Variants in NET1 observed in about 807,000 individuals in gnomAD.
NET1 encodes the protein neuroepithelial cell-transforming gene 1 protein.
In NET1, 42 loss-of-function variants were observed where a neutral mutation model predicts 61.1. That is an observed-to-expected ratio of 0.69 (90% confidence interval 0.54 to 0.89). The LOEUF is 0.89. NET1 is among the 40% of genes least tolerant of loss of function. The pLI is 0.00. For synonymous variants in NET1, 254 were observed against 281.8 expected, an observed-to-expected ratio of 0.90 and a Z score of 0.99; for missense variants, 654 against 747.3, an observed-to-expected ratio of 0.88 and a Z score of 1.46.
chr10:5,426,795 A>G lies in NET1; in HGVS notation c.195+74A>G. 1 of 1,070,362 alleles carries G rather than the reference A, an allele frequency of 9.3e-7. No homozygotes were observed. The highest frequency in any genetic ancestry group is 1.4e-6 in the Non-Finnish European group (1 of 736,182). 66.3% of individuals were successfully genotyped at this position (1,070,362 alleles called of 1,614,324 possible). On this transcript the variant is annotated intron_variant, in intron 2 of 11. Coordinates refer to ENST00000355029, the MANE Select transcript of NET1 (RefSeq NM_001047160.3). This position sits in a 1 kb window ranked among gnomAD's most constrained non-coding sequence, Gnocchi z 4.6. ...TCCCTGGTTTCTTTCAGTCTGTTAC[A>G]CAGATCAGTGGTCCTTACTTCTGAG...
chr10:5,446,656 G>A lies in NET1; in HGVS notation c.256-5174G>A. 7.6e-7 allele frequency: 1 copy of A among 1,317,998 alleles called. No individual in the cohort carries two copies. 81.6% of individuals were successfully genotyped at this position (1,317,998 alleles called of 1,614,324 possible). The stretch of plus-strand genomic sequence containing the variant: ...CGAGAGGCATGGGCACGTGGCTGCC[G>A]AGGGTGGCCGAGCTCTGGGAAGAAA... On this transcript the variant is annotated intron_variant, in intron 3 of 11. Coordinates refer to ENST00000355029, the MANE Select transcript of NET1 (RefSeq NM_001047160.3). This position sits in a 1 kb window ranked among gnomAD's most constrained non-coding sequence, Gnocchi z 5.0.
At position 5,447,634 on chromosome 10, in the gene NET1, C is replaced by T. The variant is rs1465650085; in HGVS notation, c.256-4196C>T. Reference sequence around the variant, plus strand: ...ACACGTCAAAACTTATCTAATTGTGCATTTTAAATATGTAAAGCTTACTGA... The same window carrying T: ...ACACGTCAAAACTTATCTAATTGTGTATTTTAAATATGTAAAGCTTACTGA... On this transcript the variant is annotated intron_variant, in intron 3 of 11. Transcript: ENST00000355029. The surrounding 1 kb of genome is among the most constrained non-coding windows in gnomAD (Gnocchi z 4.1). Among the ~76,000 whole-genome samples the T allele has an allele frequency of 6.6e-6, 1 of 152,172 alleles. No individual in the cohort carries two copies. The highest frequency in any genetic ancestry group is 1.9e-4 in the East Asian group (1 of 5,202).
rs569873858 is a variant in NET1 at position 5,430,950 on chromosome 10, C to G, written c.255+1721C>G. Among the ~76,000 whole-genome samples the G allele has an allele frequency of 1.3e-4, 19 of 150,176 alleles. No individual in the cohort carries two copies. In the South Asian group the frequency reaches 4.0e-3, roughly 32 times the overall value. ...GCAGTGGCGCGATCTCTGCTCACTG[C>G]AAGCTCCGCCTCCCGGGTTCACACC... On this transcript the variant is annotated intron_variant, in intron 3 of 11. Transcript: ENST00000355029.
chr10:5,434,021 T>A (rs1422602995), intron 3 of NET1, among the ~76,000 whole-genome samples: 2 of 152,186 alleles, frequency 1.3e-5, no homozygotes, highest in East Asian at 1.9e-4. Flanking sequence ...CTTCTGTAAT[T>A]TTCTTAATTT....
At chr10:5,442,640 A>G (rs1021745387) in intron 3 of NET1, among the ~76,000 whole-genome samples, 1 of 152,220 alleles carries the variant, frequency 6.6e-6, no homozygotes, top group Non-Finnish European at 1.5e-5. Context: ...CATACCTGTA[A>G]TTCCAGCACT....
At position 5,415,065 on chromosome 10, in the gene NET1, C is replaced by A. The variant is rs915126624; in HGVS notation, c.128+2245C>A. On this transcript the variant is annotated intron_variant, in intron 1 of 11. Transcript: ENST00000355029. This position sits in a 1 kb window ranked among gnomAD's most constrained non-coding sequence, Gnocchi z 4.7. ...AGATGTAAGATCATCTACAAGAATA[C>A]GTAAAATATTACAAGATAGTATTAA... is the stretch of plus-strand genomic sequence containing the variant. 1.3e-5 allele frequency among the ~76,000 whole-genome samples: 2 copies of A among 152,036 alleles called. No individual in the cohort carries two copies. The highest frequency in any genetic ancestry group is 4.8e-5 in the African/African-American group (2 of 41,390).
At position 5,427,179 on chromosome 10, in the gene NET1, A is replaced by G. The variant is rs1333543135; in HGVS notation, c.195+458A>G. 6.6e-6 allele frequency among the ~76,000 whole-genome samples: 1 copy of G among 152,086 alleles called. No homozygotes were observed. The highest frequency in any genetic ancestry group is 1.5e-5 in the Non-Finnish European group (1 of 68,004). On this transcript the variant is annotated intron_variant, in intron 2 of 11. Coordinates refer to ENST00000355029, the MANE Select transcript of NET1 (RefSeq NM_001047160.3). The surrounding 1 kb of genome is among the most constrained non-coding windows in gnomAD (Gnocchi z 4.1). ...GGGACTCTATTATTTTTATAGCAGG[A>G]CTTTACAGAGGCATTTAATTTTGTG...
At chr10:5,414,169 G>A (rs1832043898) in intron 1 of NET1, among the ~76,000 whole-genome samples, 1 of 152,158 alleles carries the variant, frequency 6.6e-6, no homozygotes, top group Admixed American at 6.5e-5. Context: ...TTGTATAGAG[G>A]AGAGGAAACC....
rs1832814198 is a variant in NET1 at position 5,456,989 on chromosome 10, G to A, written c.1786G>A (p.Val596Met). The change falls in exon 12 of 12, where the codon GTG becomes ATG. Residue 596 changes from valine to methionine, a missense_variant. By Grantham distance (21) the Val-to-Met change is conservative (BLOSUM62 1). Transcript: ENST00000355029. The surrounding 1 kb of genome is among the most constrained non-coding windows in gnomAD (Gnocchi z 7.0). The stretch of plus-strand genomic sequence containing the variant: ...TGGTGGCAAACGGAAAGAGACTTTG[G>A]TGTAGAGAAGGCTCTGTGTGTTAAC... The part of the protein sequence containing the change: ...LSGGKRKETL[V>M] The A allele has an allele frequency of 1.9e-6, 3 of 1,551,560 alleles. No individual in the cohort carries two copies. The highest frequency in any genetic ancestry group is 2.0e-5 in the Admixed American group (1 of 50,616).
chr10:5,415,057 C>T lies in NET1; in HGVS notation c.128+2237C>T, dbSNP rs553321795. Among the ~76,000 whole-genome samples the T allele has an allele frequency of 1.1e-4, 17 of 152,104 alleles. No homozygotes were observed. The highest frequency in any genetic ancestry group is 3.9e-4 in the African/African-American group (16 of 41,482). On this transcript the variant is annotated intron_variant, in intron 1 of 11. Transcript: ENST00000355029. This position sits in a 1 kb window ranked among gnomAD's most constrained non-coding sequence, Gnocchi z 4.7. ...TCCAGAAAAGATGTAAGATCATCTA[C>T]AAGAATACGTAAAATATTACAAGAT...
In NET1 at chr10:5,436,356, C is replaced by T. The variant is rs1832439119; in HGVS notation, c.255+7127C>T. On this transcript the variant is annotated intron_variant, in intron 3 of 11. Transcript: ENST00000355029. ...TCACTGCTCACTGCAGCCTCTGCCT[C>T]CCAGGTTCAAGTGATTTTCCTGCCT... Among the ~76,000 whole-genome samples, 3 of 144,930 alleles carry T rather than the reference C, an allele frequency of 2.1e-5. No homozygotes were observed. In the Admixed American group the frequency reaches 2.1e-4, roughly 10 times the overall value.
intron 3 of NET1, among the ~76,000 whole-genome samples, chr10:5,445,234 TG>T (rs1182929270): frequency 2.0e-5 from 3 of 152,170 alleles, no homozygotes; most frequent in South Asian, 4.1e-4. Context: ...TTCAAATCTA[TG>T]AAAAATATTA....
In NET1 at chr10:5,451,741, G is replaced by T. The variant is rs1446372669; in HGVS notation, c.256-89G>T. 1.5e-5 allele frequency: 14 copies of T among 906,722 alleles called. No homozygotes were observed. The highest frequency in any genetic ancestry group is 2.0e-5 in the Non-Finnish European group (12 of 595,580). The allele number at this position is 906,722 out of a possible 1,614,324, so 56.2% of individuals were successfully genotyped here. On this transcript the variant is annotated intron_variant, in intron 3 of 11. Transcript: ENST00000355029. This position sits in a 1 kb window ranked among gnomAD's most constrained non-coding sequence, Gnocchi z 6.1. ...CTGTATTTTATAATGTACAAAAATT[G>T]TTTTGTGAGAGGGCTTTACTTTGTC... is the stretch of plus-strand genomic sequence containing the variant.
intron 1 of NET1, among the ~76,000 whole-genome samples, chr10:5,418,750 C>G (rs1003191330): frequency 2.6e-5 from 4 of 152,090 alleles, no homozygotes; most frequent in African/African-American, 9.7e-5. Flanking sequence ...TTTCCAGTGT[C>G]ATGATTATAG....
Position 5,420,665 on chromosome 10 carries a change from G to A in NET1, c.129-5990G>A, listed in dbSNP as rs541674954. Among the ~76,000 whole-genome samples, 58 of 152,048 alleles carry A rather than the reference G, an allele frequency of 3.8e-4. No homozygotes were observed. The highest frequency in any genetic ancestry group is 1.2e-3 in the African/African-American group (49 of 41,470). ...GGCTGGAGTGCAGTGGCGCGATCTC[G>A]GCTCACTGTAGCCTCCGACTCCCTG... is the stretch of plus-strand genomic sequence containing the variant. On this transcript the variant is annotated intron_variant, in intron 1 of 11. Coordinates refer to ENST00000355029, the MANE Select transcript of NET1 (RefSeq NM_001047160.3). This position sits in a 1 kb window ranked among gnomAD's most constrained non-coding sequence, Gnocchi z 5.3.
chr10:5,416,617 T>G lies in NET1; in HGVS notation c.128+3797T>G, dbSNP rs1446655916. On this transcript the variant is annotated intron_variant, in intron 1 of 11. Transcript: ENST00000355029. This position sits in a 1 kb window ranked among gnomAD's most constrained non-coding sequence, Gnocchi z 6.1. ...CAGAGTATAGTTCTGCATGTTTTGC[T>G]AAATTTATTCCTAAGTATTTTGTTC... Among the ~76,000 whole-genome samples the G allele has an allele frequency of 1.3e-5, 2 of 152,250 alleles. No individual in the cohort carries two copies. Among genetic ancestry groups the G allele is most frequent in the Admixed American group, 1.3e-4 (2 of 15,292 alleles).
At position 5,455,879 on chromosome 10, in the gene NET1, T is replaced by G. The variant is rs952015707; in HGVS notation, c.1198-208T>G. Among the ~76,000 whole-genome samples, 1 of 152,214 alleles carries G rather than the reference T, an allele frequency of 6.6e-6. No individual in the cohort carries two copies. The highest frequency in any genetic ancestry group is 2.4e-5 in the African/African-American group (1 of 41,458). Reference sequence around the variant, plus strand: ...ATATTACATACCAATAAGAAACATTTTATTTATTCTGAGATTGGAAAAACT... The same window carrying G: ...ATATTACATACCAATAAGAAACATTGTATTTATTCTGAGATTGGAAAAACT... On this transcript the variant is annotated intron_variant, in intron 10 of 11. Coordinates refer to ENST00000355029, the MANE Select transcript of NET1 (RefSeq NM_001047160.3). This position sits in a 1 kb window ranked among gnomAD's most constrained non-coding sequence, Gnocchi z 6.5.
Position 5,415,337 on chromosome 10 carries a change from A to G in NET1, c.128+2517A>G, listed in dbSNP as rs1832061155. Among the ~76,000 whole-genome samples, 1 of 152,174 alleles carries G rather than the reference A, an allele frequency of 6.6e-6. No homozygotes were observed. The highest frequency in any genetic ancestry group is 1.5e-5 in the Non-Finnish European group (1 of 68,032). ...GTTCCTCTCCTACCCCTTCTGCCCT[A>G]AAACCTAATCTGTCGGTCTGTAGGA... On this transcript the variant is annotated intron_variant, in intron 1 of 11. Transcript: ENST00000355029. The surrounding 1 kb of genome is among the most constrained non-coding windows in gnomAD (Gnocchi z 4.7).
At chr10:5,430,446 C>G (rs570717432) in intron 3 of NET1, among the ~76,000 whole-genome samples, 1 of 150,504 alleles carries the variant, frequency 6.6e-6, no homozygotes, top group Non-Finnish European at 1.5e-5. Flanking sequence ...GCGATCTCGG[C>G]CCCCTGCAAC....
Sources: gnomAD v4.1 joint callset for allele counts (sites outside exome capture counted in the v4.1 genomes callset) on GRCh38, gnomAD v4.1.1 for gene constraint, Gnocchi (gnomAD v3.1) non-coding constraint, MANE v1.5 for transcripts, NCBI Gene and HGNC (gene_info 2026-07-23, HGNC 2026-07-21) for gene names.